The following SLC43A2 variants were observed in gnomAD, a reference collection of about 807,000 sequenced individuals.
SLC43A2 encodes the protein solute carrier family 43 member 2, also known as large neutral amino acids transporter small subunit 4.
In SLC43A2, 38 loss-of-function variants were observed where a neutral mutation model predicts 63.2. That is an observed-to-expected ratio of 0.60 (90% CI 0.46 to 0.79). SLC43A2 has a LOEUF of 0.79. Among genes scored for constraint, SLC43A2 ranks in the 30% least tolerant of loss-of-function variants. The pLI is 0.00. For missense variants in SLC43A2, 644 were observed against 756.2 expected (o/e 0.85, Z 1.74); for synonymous variants, 322 against 331.0 (o/e 0.97, Z 0.30).
At chr17:1,580,113 G>C (rs1217740771) in intron 11 of SLC43A2, among the ~76,000 whole-genome samples, 1 of 152,110 alleles carries the variant, frequency 6.6e-6, no homozygotes, top group Non-Finnish European at 1.5e-5. Flanking sequence ...TTTTTGTAGA[G>C]ACGGGGTTTC....
At chr17:1,591,519 G>T (rs781151270) in intron 7 of SLC43A2, 47 bp downstream of exon 7, 14 of 1,608,396 alleles carry the variant, frequency 8.7e-6, no homozygotes, top group Non-Finnish European at 1.1e-5. Context: ...GACCCCGGCT[G>T]GGGGGCGGGG....
intron 5 of SLC43A2, among the ~76,000 whole-genome samples, chr17:1,594,795 A>G (rs571414202): frequency 4.8e-4 from 73 of 151,658 alleles, no homozygotes; most frequent in East Asian, 3.5e-3. Context: ...TCACCACGTT[A>G]GCCAGGATGG....
At chr17:1,624,739 A>T (rs1015426580) in intron 2 of SLC43A2, among the ~76,000 whole-genome samples, 7 of 151,920 alleles carry the variant, frequency 4.6e-5, no homozygotes, top group African/African-American at 1.7e-4. Context: ...AAAAATACAA[A>T]AATTAGCTGA....
chr17:1,590,673 A>AC, intron 9 of SLC43A2, 129 bp downstream of exon 9: 1 of 1,203,184 alleles, frequency 8.3e-7, no homozygotes, highest in Non-Finnish European at 1.2e-6. Flanking sequence ...TGACGGGCAG[A>AC]CAGCTCCTGG....
At chr17:1,586,432 C>T (rs1232074689) in intron 9 of SLC43A2, among the ~76,000 whole-genome samples, 4 of 152,106 alleles carry the variant, frequency 2.6e-5, no homozygotes, top group Admixed American at 2.0e-4. Flanking sequence ...CGCGGTGGCT[C>T]ATGCCTGTAA....
chr17:1,599,198 G>A (rs1455307575), intron 5 of SLC43A2, among the ~76,000 whole-genome samples: 1 of 151,868 alleles, frequency 6.6e-6, no homozygotes, highest in African/African-American at 2.4e-5. Context: ...AAATTAGCCG[G>A]GTGTGGCGGC....
At chr17:1,619,350 C>T (rs1288750823) in intron 2 of SLC43A2, among the ~76,000 whole-genome samples, 1 of 152,118 alleles carries the variant, frequency 6.6e-6, no homozygotes, top group East Asian at 1.9e-4. Flanking sequence ...CACCAGATCA[C>T]AATGGCCAAA....
intron 5 of SLC43A2, chr17:1,604,359 T>C (rs959587840): frequency 2.8e-5 from 5 of 178,104 alleles, no homozygotes; most frequent in Admixed American, 1.2e-4. Flanking sequence ...CGGTCATTTT[T>C]TTAAATTTGT....
chr17:1,586,850 T>G, intron 9 of SLC43A2: 1 of 1,325,178 alleles, frequency 7.5e-7, no homozygotes, highest in East Asian at 2.7e-5. Flanking sequence ...CCAGGAGGCA[T>G]GTCTGGAGCT....
intron 11 of SLC43A2, among the ~76,000 whole-genome samples, chr17:1,582,828 C>T (rs1332619440): frequency 6.6e-6 from 1 of 152,200 alleles, no homozygotes; most frequent in Non-Finnish European, 1.5e-5. Flanking sequence ...TGTAAAATCC[C>T]AGCACTTTGG....
intron 5 of SLC43A2, among the ~76,000 whole-genome samples, chr17:1,607,760 T>G (rs1344935693): frequency 3.9e-5 from 6 of 151,942 alleles, no homozygotes; most frequent in South Asian, 4.2e-4. Flanking sequence ...CTGTCACCCA[T>G]GCTGGAGTGC....
intron 2 of SLC43A2, 119 bp from the exon 3 acceptor site, chr17:1,616,888 C>T: frequency 1.8e-6 from 2 of 1,129,568 alleles, no homozygotes; most frequent in South Asian, 1.5e-5. Context: ...GGCTGGCGGC[C>T]TCTCGAGGGC....
chr17:1,571,297 A>G lies in SLC43A2; in HGVS notation c.*4307T>C, dbSNP rs1474413897. 1 of 152,272 alleles carries G rather than the reference A, an allele frequency of 6.6e-6. No homozygotes were observed. The highest frequency in any genetic ancestry group is 2.4e-5 in the African/African-American group (1 of 41,464). The allele number at this position is 152,272 out of a possible 1,614,324, so 9.4% of individuals were successfully genotyped here. A position where few individuals can be genotyped will look rare whatever the true frequency, so the allele number is the denominator to read the frequency against. ...AGGCTCCTAACTCTCAGAATCCCAC[A>G]GTCTGTATTGGCGGAAGACGGGCTG... On this transcript the variant is annotated 3_prime_UTR_variant, in exon 14 of 14. Coordinates refer to ENST00000301335, the MANE Select transcript of SLC43A2 (RefSeq NM_152346.3). The surrounding 1 kb of genome is among the most constrained non-coding windows in gnomAD (Gnocchi z 5.2).
chr17:1,625,296 G>A (rs1036566217), intron 2 of SLC43A2, among the ~76,000 whole-genome samples: 6 of 152,164 alleles, frequency 3.9e-5, no homozygotes, highest in East Asian at 1.9e-4. Context: ...AACCCAACAC[G>A]GTGTCTGTGG....
chr17:1,615,534 A>G (rs1907517294), intron 3 of SLC43A2, among the ~76,000 whole-genome samples: 2 of 133,174 alleles, frequency 1.5e-5, no homozygotes, highest in East Asian at 2.1e-4. Flanking sequence ...ACTCAAAAGG[A>G]AAAAAAAAAA....
chr17:1,585,555 A>T (rs2076088457), intron 10 of SLC43A2: 1 of 758,282 alleles, frequency 1.3e-6, no homozygotes, highest in Non-Finnish European at 1.8e-6. Flanking sequence ...CAATTTTTAA[A>T]TTTTTTGTAG....
At chr17:1,585,485 A>G (rs1286205242) in intron 10 of SLC43A2, 1 of 388,594 alleles carries the variant, frequency 2.6e-6, no homozygotes, top group South Asian at 2.2e-5. Flanking sequence ...GGCTCAAGCA[A>G]TTCACTCACC....
At chr17:1,580,970 G>T (rs189503704) in intron 11 of SLC43A2, among the ~76,000 whole-genome samples, 1 of 152,052 alleles carries the variant, frequency 6.6e-6, no homozygotes, top group Admixed American at 6.6e-5. Context: ...AAGTTCTGTC[G>T]CTGTCTGTGG....
intron 5 of SLC43A2, among the ~76,000 whole-genome samples, chr17:1,609,928 A>T (rs1452203649): frequency 2.0e-5 from 3 of 151,000 alleles, no homozygotes; most frequent in Non-Finnish European, 4.4e-5. Context: ...TTTTTTTTTT[A>T]AACGGAGTTT....
Sources: allele counts gnomAD v4.1 joint callset (sites outside exome capture counted in the v4.1 genomes callset), GRCh38; gene constraint gnomAD v4.1.1; non-coding constraint Gnocchi (gnomAD v3.1); transcripts MANE v1.5; gene names NCBI Gene and HGNC (gene_info 2026-07-23, HGNC 2026-07-21).